SEPTIN7: variants seen among roughly 807,000 people sequenced by gnomAD.
The protein encoded by SEPTIN7 is septin-7.
In SEPTIN7, 10 loss-of-function variants were observed where a neutral mutation model predicts 63.3. The ratio of observed to expected loss-of-function variants is 0.16; its 90% CI spans 0.10 to 0.27. SEPTIN7 has a LOEUF of 0.27. SEPTIN7 is among the 10% of genes least tolerant of loss of function. The probability of loss-of-function intolerance (pLI) is 1.00; values close to 1 mark genes in which losing one functional copy is unlikely to be tolerated. For synonymous variants in SEPTIN7, 131 were observed against 165.3 expected, an observed-to-expected ratio of 0.79 and a Z score of 1.59; for missense variants, 310 against 521.0, an observed-to-expected ratio of 0.59 and a Z score of 3.94.
intron 1 of SEPTIN7, among the ~76,000 whole-genome samples, chr7:35,810,891 C>T (rs1788662080): frequency 1.3e-5 from 2 of 152,060 alleles, no homozygotes; most frequent in Admixed American, 6.5e-5. Context: ...CTCAGCCTCC[C>T]GAGTAGCTGG....
In SEPTIN7 at chr7:35,905,425, CATTT is replaced by C. The variant is rs1186552517; in HGVS notation, c.*1134_*1137del. On this transcript the variant is annotated 3_prime_UTR_variant, in exon 14 of 14. Coordinates refer to ENST00000350320, the MANE Select transcript of SEPTIN7 (RefSeq NM_001788.6). ...AATGACATCTTTTATATGCTTGTCT[CATTT>C]AGAATGCATATGTGCTGATTTTCTA... 6.6e-6 allele frequency: 1 copy of C among 152,246 alleles called. No homozygotes were observed. The highest frequency in any genetic ancestry group is 6.5e-5 in the Admixed American group (1 of 15,278). 9.4% of individuals were successfully genotyped at this position (152,246 alleles called of 1,614,324 possible).
At chr7:35,885,724 C>G in intron 9 of SEPTIN7, 104 bp from the exon 10 acceptor site, 1 of 825,750 alleles carries the variant, frequency 1.2e-6, no homozygotes, top group Non-Finnish European at 2.0e-6. Context: ...ATCTGTTTTG[C>G]ATTTCCTCTT....
At chr7:35,897,206 A>C (rs1315879884) in intron 11 of SEPTIN7, among the ~76,000 whole-genome samples, 14 of 152,202 alleles carry the variant, frequency 9.2e-5, no homozygotes, top group Admixed American at 9.2e-4. Flanking sequence ...AACCTCAATC[A>C]ATGGTCAAAG....
At chr7:35,896,188 GGT>G (rs750163638) in intron 11 of SEPTIN7, among the ~76,000 whole-genome samples, 2 of 151,988 alleles carry the variant, frequency 1.3e-5, no homozygotes, top group Non-Finnish European at 2.9e-5. Flanking sequence ...TAATAATTTA[GGT>G]GGCAAAAATA....
intron 11 of SEPTIN7, among the ~76,000 whole-genome samples, chr7:35,894,647 C>T (rs1366239195): frequency 2.6e-5 from 4 of 152,150 alleles, no homozygotes; most frequent in Non-Finnish European, 5.9e-5. Context: ...CATTATTACT[C>T]AAAATTTTTA....
At chr7:35,846,476 C>T (rs1042303976) in intron 3 of SEPTIN7, among the ~76,000 whole-genome samples, 1 of 152,140 alleles carries the variant, frequency 6.6e-6, no homozygotes, top group Non-Finnish European at 1.5e-5. Flanking sequence ...TGTGTCTCAT[C>T]CTTGCCAATA....
intron 9 of SEPTIN7, among the ~76,000 whole-genome samples, chr7:35,884,574 C>T (rs1374258573): frequency 6.6e-6 from 1 of 152,110 alleles, no homozygotes; most frequent in African/African-American, 2.4e-5. Context: ...TCTAATGAAC[C>T]ACCTGGAATC....
At chr7:35,882,379 TG>T in intron 7 of SEPTIN7, 104 bp from the exon 8 acceptor site, 2 of 806,840 alleles carry the variant, frequency 2.5e-6, no homozygotes, top group Non-Finnish European at 1.7e-6. Flanking sequence ...GTAAAGGATC[TG>T]GAACCAAGGA....
At chr7:35,871,764 C>T (rs531156833) in intron 4 of SEPTIN7, among the ~76,000 whole-genome samples, 53 of 152,232 alleles carry the variant, frequency 3.5e-4, no homozygotes, top group African/African-American at 1.2e-3. Flanking sequence ...GACTTGTTAT[C>T]CTTATTAAAT....
chr7:35,873,973 G>A (rs1180249047), intron 6 of SEPTIN7, 198 bp downstream of exon 6: 2 of 478,090 alleles, frequency 4.2e-6, no homozygotes, highest in Non-Finnish European at 7.3e-6. Context: ...TTACTCCTTA[G>A]TTCTTCATTC....
In SEPTIN7 at chr7:35,887,362, T is replaced by G. The variant is rs564931044; in HGVS notation, c.872+1483T>G. 3.3e-5 allele frequency among the ~76,000 whole-genome samples: 5 copies of G among 152,342 alleles called. No individual in the cohort carries two copies. The South Asian group carries it at 1.0e-3, about 32-fold the overall frequency. On this transcript the variant is annotated intron_variant, in intron 10 of 13. Transcript: ENST00000350320. ...AGCTAGTTACTGAGCCAGAGGCTAC[T>G]TTGTTGAGATGGAGTCTCACTTTCT... is the stretch of plus-strand genomic sequence containing the variant.
At chr7:35,858,653 C>T (rs1198126001) in intron 3 of SEPTIN7, among the ~76,000 whole-genome samples, 4 of 151,192 alleles carry the variant, frequency 2.6e-5, no homozygotes, top group Admixed American at 6.6e-5. Flanking sequence ...CGCACCTGGC[C>T]GATTTCTATT....
chr7:35,838,679 C>T (rs1218653481), intron 3 of SEPTIN7: 3 of 151,968 alleles, frequency 2.0e-5, no homozygotes, highest in African/African-American at 7.3e-5. Flanking sequence ...TATGCCCGAC[C>T]TCAGTCTTTT....
chr7:35,881,959 T>C (rs1195138991), intron 7 of SEPTIN7, among the ~76,000 whole-genome samples: 2 of 152,016 alleles, frequency 1.3e-5, no homozygotes, highest in Non-Finnish European at 2.9e-5. Flanking sequence ...CTGTTGCTCC[T>C]CAATTTGTGT....
chr7:35,861,687 C>T (rs1168293124), intron 3 of SEPTIN7, among the ~76,000 whole-genome samples: 1 of 152,188 alleles, frequency 6.6e-6, no homozygotes, highest in Admixed American at 6.5e-5. Context: ...TTGCAGCTTT[C>T]ATAAATGGTG....
intron 10 of SEPTIN7, chr7:35,888,927 A>G: frequency 3.3e-6 from 1 of 298,908 alleles, no homozygotes; most frequent in South Asian, 2.9e-5. Context: ...AACTGGTTCC[A>G]AAAAGTGTTT....
At chr7:35,883,386 G>A (rs1787018928) in intron 8 of SEPTIN7, among the ~76,000 whole-genome samples, 2 of 152,074 alleles carry the variant, frequency 1.3e-5, no homozygotes, top group African/African-American at 2.4e-5. Flanking sequence ...GTATTTCTGG[G>A]AGCCACAGAA....
At chr7:35,853,280 G>C (rs969024884) in intron 3 of SEPTIN7, among the ~76,000 whole-genome samples, 2 of 152,074 alleles carry the variant, frequency 1.3e-5, no homozygotes, top group Admixed American at 6.5e-5. Context: ...AAAAATATTT[G>C]CTGGATGTGG....
intron 11 of SEPTIN7, among the ~76,000 whole-genome samples, chr7:35,891,076 A>G (rs557566937): frequency 6.6e-6 from 1 of 152,310 alleles, no homozygotes; most frequent in South Asian, 2.1e-4. Flanking sequence ...CTCTATTCCT[A>G]TTCCAGGGAG....
Sources: gnomAD v4.1 joint callset for allele counts (sites outside exome capture counted in the v4.1 genomes callset) on GRCh38, gnomAD v4.1.1 for gene constraint, MANE v1.5 for transcripts, NCBI Gene and HGNC (gene_info 2026-07-23, HGNC 2026-07-21) for gene names.